NRXN3: variants seen among roughly 807,000 people sequenced by gnomAD.
NRXN3 encodes the protein neurexin III.
NRXN3 carries 32 observed loss-of-function variants against 137.6 expected under a neutral mutation model. The observed-to-expected ratio is 0.23, with a 90% confidence interval of 0.18 to 0.31. The LOEUF (loss-of-function observed/expected upper bound fraction) is 0.31. Among genes scored for constraint, NRXN3 ranks in the 10% least tolerant of loss-of-function variants. The pLI is 1.00. For synonymous variants in NRXN3, 798 were observed against 784.5 expected (o/e 1.02, Z -0.29); for missense variants, 1,574 against 2,062.5 (o/e 0.76, Z 4.59).
intron 15 of NRXN3, among the ~76,000 whole-genome samples, chr14:79,106,856 G>A (rs2052543787): frequency 6.6e-6 from 1 of 152,022 alleles, no homozygotes; most frequent in South Asian, 2.1e-4. Flanking sequence ...TATTTAAAAT[G>A]AAAACAACCA....
chr14:78,551,860 A>T (rs2096694320), intron 4 of NRXN3, among the ~76,000 whole-genome samples: 1 of 152,040 alleles, frequency 6.6e-6, no homozygotes, highest in Non-Finnish European at 1.5e-5. Flanking sequence ...TTTAAATAAA[A>T]TAAAGGCAAG....
At chr14:79,674,505 A>G (rs2098630121) in intron 17 of NRXN3, among the ~76,000 whole-genome samples, 1 of 152,048 alleles carries the variant, frequency 6.6e-6, no homozygotes, top group Non-Finnish European at 1.5e-5. Flanking sequence ...TGCTGTGGTC[A>G]CTGTCCACCA....
At chr14:79,168,055 T>C (rs2061438705) in intron 15 of NRXN3, among the ~76,000 whole-genome samples, 1 of 151,542 alleles carries the variant, frequency 6.6e-6, no homozygotes, top group South Asian at 2.1e-4. Flanking sequence ...GGCATAAGTA[T>C]CCAATGATTT....
rs1185753684 is a variant in NRXN3, at chr14:79,496,173, A to C, written c.3444+28771A>C. On this transcript the variant is annotated intron_variant, in intron 16 of 20. Coordinates refer to ENST00000335750, the MANE Select transcript of NRXN3 (RefSeq NM_001330195.2). Reference sequence around the variant, plus strand: ...GACAAAAGAAAGGGAAAGGAAAAAAATCAGATAATAATTCCCTTTACAGGC... The same window carrying C: ...GACAAAAGAAAGGGAAAGGAAAAAACTCAGATAATAATTCCCTTTACAGGC... Among the ~76,000 whole-genome samples the C allele has an allele frequency of 3.3e-5, 5 of 152,114 alleles. No homozygotes were observed. In the East Asian group the frequency reaches 9.6e-4, roughly 29 times the overall value.
At chr14:79,125,349 A>G (rs1391548839) in intron 15 of NRXN3, among the ~76,000 whole-genome samples, 4 of 152,228 alleles carry the variant, frequency 2.6e-5, no homozygotes, top group Non-Finnish European at 4.4e-5. Flanking sequence ...ATTATGGACA[A>G]TAGTTCCACC....
intron 10 of NRXN3, among the ~76,000 whole-genome samples, chr14:78,888,521 T>C (rs1191927111): frequency 2.0e-5 from 3 of 152,048 alleles, no homozygotes; most frequent in Middle Eastern, 3.2e-3. Context: ...ATTTTCCTAC[T>C]GTCAGGGAAA....
intron 1 of NRXN3, among the ~76,000 whole-genome samples, chr14:78,186,670 G>A (rs1378069503): frequency 6.6e-6 from 1 of 152,174 alleles, no homozygotes; most frequent in Non-Finnish European, 1.5e-5. Context: ...TTAATAGGGG[G>A]TCCTCTCCCT....
intron 15 of NRXN3, among the ~76,000 whole-genome samples, chr14:79,023,846 C>A (rs1271119460): frequency 6.6e-6 from 1 of 151,968 alleles, no homozygotes; most frequent in Non-Finnish European, 1.5e-5. Context: ...TAGGGAACTA[C>A]AATTCAAAAT....
chr14:78,202,924 T>C (rs567834567), intron 1 of NRXN3, among the ~76,000 whole-genome samples: 2 of 152,198 alleles, frequency 1.3e-5, no homozygotes, highest in Non-Finnish European at 2.9e-5. Context: ...ATTAGAACAC[T>C]AGAATAAAGC....
At chr14:78,272,166 C>A (rs1169167986) in intron 2 of NRXN3, among the ~76,000 whole-genome samples, 1 of 152,020 alleles carries the variant, frequency 6.6e-6, no homozygotes, top group Non-Finnish European at 1.5e-5. Flanking sequence ...GGGCCTGAGG[C>A]AAGACTATAC....
rs113488503 is a variant in NRXN3 at position 79,612,679 on chromosome 14, A to G, written c.3445-51099A>G. 5.9e-5 allele frequency among the ~76,000 whole-genome samples: 9 copies of G among 152,180 alleles called. 1 individual carries two copies. Among genetic ancestry groups the G allele is most frequent in the African/African-American group, 2.2e-4 (9 of 41,546 alleles). The stretch of plus-strand genomic sequence containing the variant: ...TCCTGGGCAACACAGTGAGGCATGC[A>G]TCTCTACATAAAAATTTTACAATTA... On this transcript the variant is annotated intron_variant, in intron 16 of 20. Transcript: ENST00000335750.
At chr14:79,595,286 A>G (rs973736958) in intron 16 of NRXN3, among the ~76,000 whole-genome samples, 20 of 152,214 alleles carry the variant, frequency 1.3e-4, no homozygotes, top group African/African-American at 4.3e-4. Context: ...ATAAAAGGGC[A>G]TATGAAAGAT....
rs543668349 is a variant in NRXN3, at chr14:79,244,748, T to C, written c.3263-222473T>C. On this transcript the variant is annotated intron_variant, in intron 15 of 20. Transcript: ENST00000335750. Reference sequence around the variant, plus strand: ...AGGTTTCTTTTTCCTTCCTTTCTTTTATATAATTATTTCAGTTACTGGAGA... The same window carrying C: ...AGGTTTCTTTTTCCTTCCTTTCTTTCATATAATTATTTCAGTTACTGGAGA... Among the ~76,000 whole-genome samples the C allele has an allele frequency of 6.6e-5, 10 of 152,282 alleles. 1 individual carries two copies. In the South Asian group the frequency reaches 1.9e-3, roughly 28 times the overall value.
At chr14:79,724,755 A>G (rs911532719) in intron 19 of NRXN3, among the ~76,000 whole-genome samples, 1 of 152,126 alleles carries the variant, frequency 6.6e-6, no homozygotes, top group African/African-American at 2.4e-5. Context: ...ATGGTACTTT[A>G]ACAAAGCTAT....
intron 15 of NRXN3, among the ~76,000 whole-genome samples, chr14:79,166,900 C>T (rs2061335692): frequency 6.6e-6 from 1 of 151,986 alleles, no homozygotes; most frequent in African/African-American, 2.4e-5. Flanking sequence ...AAATAAAGTG[C>T]CTGGCACACA....
At chr14:78,803,229 C>T (rs544933288) in intron 8 of NRXN3, among the ~76,000 whole-genome samples, 1 of 152,282 alleles carries the variant, frequency 6.6e-6, no homozygotes, top group African/African-American at 2.4e-5. Context: ...TCATGAAATA[C>T]AGGGATTCTA....
chr14:78,359,702 G>C (rs969306129), intron 4 of NRXN3, among the ~76,000 whole-genome samples: 1 of 152,116 alleles, frequency 6.6e-6, no homozygotes, highest in African/African-American at 2.4e-5. Flanking sequence ...CTTTTCAAGA[G>C]ACTTTGAAAA....
At chr14:78,396,802 T>C (rs1462466372) in intron 4 of NRXN3, among the ~76,000 whole-genome samples, 1 of 152,194 alleles carries the variant, frequency 6.6e-6, no homozygotes, top group Non-Finnish European at 1.5e-5. Context: ...TGTAGTCAGC[T>C]CAGATTGCCA....
chr14:78,332,263 T>C (rs2080908404), intron 4 of NRXN3, among the ~76,000 whole-genome samples: 1 of 152,144 alleles, frequency 6.6e-6, no homozygotes, highest in Non-Finnish European at 1.5e-5. Context: ...CTCCCCATCA[T>C]TGTTGCCCTC....
Sources: gnomAD v4.1 joint callset for allele counts (sites outside exome capture counted in the v4.1 genomes callset) on GRCh38, gnomAD v4.1.1 for gene constraint, MANE v1.5 for transcripts, NCBI Gene and HGNC (gene_info 2026-07-23, HGNC 2026-07-21) for gene names.